Variants in KAZN observed in about 807,000 individuals in gnomAD.
KAZN encodes the protein kazrin, periplakin interacting protein.
KAZN carries 40 observed loss-of-function variants against 87.4 expected under a neutral mutation model. That is an observed-to-expected ratio of 0.46 (90% CI 0.36 to 0.60). KAZN has a LOEUF of 0.60. Ranked by LOEUF, KAZN falls within the 20% of genes least tolerant of loss-of-function variation. The pLI is 0.00. For missense variants in KAZN, 898 were observed against 1,073.9 expected (o/e 0.84, Z 2.29); for synonymous variants, 466 against 458.3 (o/e 1.02, Z -0.22).
chr1:14,380,499 T>C (rs1557676704), intron 2 of KAZN, among the ~76,000 whole-genome samples: 3 of 152,166 alleles, frequency 2.0e-5, no homozygotes, highest in Non-Finnish European at 4.4e-5. Flanking sequence ...TTCTATCAGA[T>C]AAATTTAACA....
intron 2 of KAZN, among the ~76,000 whole-genome samples, chr1:14,233,898 A>G (rs1648110131): frequency 6.6e-6 from 1 of 152,234 alleles, no homozygotes; most frequent in Non-Finnish European, 1.5e-5. Context: ...GTCAGGAAAC[A>G]ACAGATGCTG....
chr1:14,295,461 A>C (rs1222776064), intron 2 of KAZN, among the ~76,000 whole-genome samples: 2 of 152,102 alleles, frequency 1.3e-5, no homozygotes, highest in African/African-American at 4.8e-5. Flanking sequence ...ACCCAAAGAG[A>C]CTCGGGACAA....
In KAZN at chr1:14,100,876, G is replaced by A. The variant is rs12088539; in HGVS notation, c.92-79559G>A. 3.2e-3 allele frequency among the ~76,000 whole-genome samples: 492 copies of A among 152,270 alleles called. 5 individuals are homozygous for A. The highest frequency in any genetic ancestry group is 0.011 in the African/African-American group (470 of 41,552). ...TTGAATCATGGGATGGGTCTTTCCC[G>A]TGCTGTTTTCATGATAGTGAATAAG... On this transcript the variant is annotated intron_variant, in intron 1 of 16. Coordinates refer to the KAZN transcript ENST00000636203.
At chr1:14,050,652 G>C (rs551082164) in intron 1 of KAZN, among the ~76,000 whole-genome samples, 2 of 152,220 alleles carry the variant, frequency 1.3e-5, no homozygotes, top group Admixed American at 1.3e-4. Flanking sequence ...ATTACAATTC[G>C]AGATGAGATT....
At chr1:14,992,653 T>C (rs1039965290) in intron 2 of KAZN, among the ~76,000 whole-genome samples, 2 of 152,162 alleles carry the variant, frequency 1.3e-5, no homozygotes, top group African/African-American at 4.8e-5. Flanking sequence ...TTTTGTTTTA[T>C]TTTGTTTTGT....
intron 2 of KAZN, among the ~76,000 whole-genome samples, chr1:14,418,336 C>T (rs1218794499): frequency 1.3e-5 from 2 of 152,114 alleles, no homozygotes; most frequent in Non-Finnish European, 2.9e-5. Context: ...CAAGCCATGC[C>T]GGCTTGCTGT....
intron 2 of KAZN, among the ~76,000 whole-genome samples, chr1:14,295,752 A>G (rs1654064502): frequency 6.6e-6 from 1 of 152,170 alleles, no homozygotes; most frequent in African/African-American, 2.4e-5. Flanking sequence ...TCACTTTCTC[A>G]GGGATTCCTT....
intron 1 of KAZN, among the ~76,000 whole-genome samples, chr1:14,114,346 T>C (rs1296892653): frequency 6.6e-6 from 1 of 152,106 alleles, no homozygotes; most frequent in Admixed American, 6.5e-5. Flanking sequence ...ATGGCTCTCT[T>C]TTAACCCTGG....
chr1:14,729,374 C>T (rs990154679), intron 1 of KAZN, among the ~76,000 whole-genome samples: 4 of 152,202 alleles, frequency 2.6e-5, no homozygotes, highest in Non-Finnish European at 4.4e-5. Context: ...CAGAGCCCCT[C>T]GCTATCTTCT....
chr1:14,787,313 A>G (rs1461776530), intron 1 of KAZN, among the ~76,000 whole-genome samples: 1 of 152,184 alleles, frequency 6.6e-6, no homozygotes, highest in African/African-American at 2.4e-5. Flanking sequence ...CGTTACTCCC[A>G]TGTTACAGTA....
In KAZN at chr1:15,114,814, C is replaced by T. The variant is rs1330135115; in HGVS notation, c.*179C>T. ...TCCACAGCGCCCAGGAGAGAGAAGA[C>T]ACCAGCCCACCTGTCTTGGGTGGGC... On this transcript the variant is annotated 3_prime_UTR_variant, in exon 15 of 15. Coordinates refer to ENST00000376030, the MANE Select transcript of KAZN (RefSeq NM_201628.3). 1.7e-6 allele frequency: 1 copy of T among 581,874 alleles called. No homozygotes were observed. The highest frequency in any genetic ancestry group is 3.0e-6 in the Non-Finnish European group (1 of 336,218). The allele number at this position is 581,874 out of a possible 1,614,324, so 36.0% of individuals were successfully genotyped here.
At position 14,695,026 on chromosome 1, in the gene KAZN, A is replaced by G. The variant is rs143369488; in HGVS notation, c.226+95803A>G. Reference sequence around the variant, plus strand: ...CCTACTCTCTTGTCCCTAAGGGTTGACTGCTCACTTCAAAGTCTGCCAAGA... The same window carrying G: ...CCTACTCTCTTGTCCCTAAGGGTTGGCTGCTCACTTCAAAGTCTGCCAAGA... On this transcript the variant is annotated intron_variant, in intron 1 of 14. Transcript: ENST00000376030. Among the ~76,000 whole-genome samples the G allele has an allele frequency of 8.0e-3, 1,214 of 152,270 alleles. 16 individuals are homozygous for G. Among genetic ancestry groups the G allele is most frequent in the African/African-American group, 0.028 (1,157 of 41,544 alleles).
At chr1:14,158,244 T>C (rs1057078616) in intron 1 of KAZN, among the ~76,000 whole-genome samples, 1 of 152,192 alleles carries the variant, frequency 6.6e-6, no homozygotes, top group Admixed American at 6.5e-5. Flanking sequence ...TTACATTTGC[T>C]CTTTTGGGGC....
At chr1:15,015,705 A>C (rs1391472671) in intron 2 of KAZN, among the ~76,000 whole-genome samples, 1 of 152,088 alleles carries the variant, frequency 6.6e-6, no homozygotes, top group Non-Finnish European at 1.5e-5. Context: ...TCTGCTCCAC[A>C]GGTCCTTCTA....
At chr1:14,178,680 C>G (rs1438513878) in intron 1 of KAZN, among the ~76,000 whole-genome samples, 1 of 152,148 alleles carries the variant, frequency 6.6e-6, no homozygotes, top group African/African-American at 2.4e-5. Context: ...TTTCTGTATA[C>G]TGATTTTTCT....
At chr1:15,031,718 C>T (rs978330389) in intron 2 of KAZN, among the ~76,000 whole-genome samples, 5 of 152,148 alleles carry the variant, frequency 3.3e-5, no homozygotes, top group Admixed American at 6.5e-5. Context: ...ATCATCCCAC[C>T]TCAGCCTACC....
intron 2 of KAZN, among the ~76,000 whole-genome samples, chr1:14,318,474 T>G (rs992980486): frequency 6.6e-6 from 1 of 152,084 alleles, no homozygotes; most frequent in African/African-American, 2.4e-5. Context: ...CTTCTGCTTT[T>G]AAGATTTTTC....
chr1:15,010,174 C>T (rs1286565872), intron 2 of KAZN, among the ~76,000 whole-genome samples: 1 of 152,102 alleles, frequency 6.6e-6, no homozygotes, highest in Non-Finnish European at 1.5e-5. Context: ...TGTTGTTTGT[C>T]TGGTAGGTTT....
At chr1:14,875,933 G>A (rs1652721395) in intron 1 of KAZN, among the ~76,000 whole-genome samples, 1 of 152,232 alleles carries the variant, frequency 6.6e-6, no homozygotes, top group Non-Finnish European at 1.5e-5. Flanking sequence ...AGATGCTCGG[G>A]AAGATGTGTT....
Sources: gnomAD v4.1 joint callset for allele counts (sites outside exome capture counted in the v4.1 genomes callset) on GRCh38, gnomAD v4.1.1 for gene constraint, MANE v1.5 for transcripts, NCBI Gene and HGNC (gene_info 2026-07-23, HGNC 2026-07-21) for gene names.